The following BTBD9 variants were observed in gnomAD, a reference collection of about 807,000 sequenced individuals.
BTBD9 encodes the protein BTB domain containing 9, also known as BTB/POZ domain-containing protein 9.
In BTBD9, 49 loss-of-function variants were observed where a neutral mutation model predicts 64.3. The ratio of observed to expected loss-of-function variants is 0.76; its 90% confidence interval spans 0.61 to 0.97. BTBD9 has a LOEUF of 0.97. Ranked by LOEUF, BTBD9 falls within the 50% of genes least tolerant of loss-of-function variation. The pLI is 0.00. For missense variants in BTBD9, 598 were observed against 762.1 expected (o/e 0.78, Z 2.53); for synonymous variants, 260 against 274.7 (o/e 0.95, Z 0.53).
chr6:38,501,991 GC>G (rs1325434945), intron 6 of BTBD9, among the ~76,000 whole-genome samples: 5 of 152,092 alleles, frequency 3.3e-5, no homozygotes, highest in African/African-American at 1.2e-4. Context: ...AGAATAAAGG[GC>G]TCCTGGGAAC....
At chr6:38,563,056 A>T (rs1043495533) in intron 6 of BTBD9, among the ~76,000 whole-genome samples, 4 of 152,022 alleles carry the variant, frequency 2.6e-5, no homozygotes, top group Non-Finnish European at 5.9e-5. Flanking sequence ...TTGAAGCCAC[A>T]CATTCTTGAC....
At chr6:38,486,568 C>A (rs1771435570) in intron 6 of BTBD9, among the ~76,000 whole-genome samples, 1 of 152,166 alleles carries the variant, frequency 6.6e-6, no homozygotes, top group African/African-American at 2.4e-5. Context: ...GATGGGGGAA[C>A]AACCAGTCAG....
At chr6:38,220,139 A>G (rs1763150655) in intron 9 of BTBD9, among the ~76,000 whole-genome samples, 2 of 152,186 alleles carry the variant, frequency 1.3e-5, no homozygotes, top group Admixed American at 6.5e-5. Flanking sequence ...GGCTGAGAAC[A>G]TGGCAGTGGG....
At chr6:38,208,212 C>T (rs772239587) in intron 9 of BTBD9, among the ~76,000 whole-genome samples, 24 of 152,238 alleles carry the variant, frequency 1.6e-4, no homozygotes, top group South Asian at 1.0e-3. Context: ...CTCCAAGTTG[C>T]GTGGCACTGA....
At chr6:38,316,024 C>T (rs549876282) in intron 7 of BTBD9, among the ~76,000 whole-genome samples, 3 of 152,210 alleles carry the variant, frequency 2.0e-5, no homozygotes, top group South Asian at 4.2e-4. Flanking sequence ...ATTGTCATAT[C>T]CTCTTACTGA....
chr6:38,379,766 T>C (rs1288926622), intron 6 of BTBD9, among the ~76,000 whole-genome samples: 1 of 152,190 alleles, frequency 6.6e-6, no homozygotes, highest in East Asian at 1.9e-4. Context: ...TGCTCGGATA[T>C]TAATTATATT....
At chr6:38,616,302 C>T (rs891780099) in intron 1 of BTBD9, among the ~76,000 whole-genome samples, 2 of 152,178 alleles carry the variant, frequency 1.3e-5, no homozygotes, top group African/African-American at 4.8e-5. Context: ...TAGTAAGACC[C>T]TGAGCAGAGA....
At chr6:38,528,795 T>C (rs1480891099) in intron 6 of BTBD9, among the ~76,000 whole-genome samples, 2 of 152,080 alleles carry the variant, frequency 1.3e-5, no homozygotes, top group Non-Finnish European at 2.9e-5. Flanking sequence ...CAGTACTCAT[T>C]GTGGGCCTTG....
chr6:38,488,306 T>C (rs1374514552), intron 6 of BTBD9, among the ~76,000 whole-genome samples: 1 of 151,980 alleles, frequency 6.6e-6, no homozygotes, highest in Non-Finnish European at 1.5e-5. Flanking sequence ...AGTCAGATTT[T>C]CAAATGGATC....
intron 10 of BTBD9, among the ~76,000 whole-genome samples, chr6:38,190,466 C>CT (rs141286203): frequency 2.5e-4 from 11 of 44,466 alleles, no homozygotes; most frequent in African/African-American, 1.1e-3. Context: ...GAAACTCTGT[C>CT]TAAAAAAAAA....
chr6:38,362,673 G>A (rs1226694352), intron 6 of BTBD9, among the ~76,000 whole-genome samples: 1 of 152,146 alleles, frequency 6.6e-6, no homozygotes, highest in African/African-American at 2.4e-5. Flanking sequence ...TTTTTATAAG[G>A]TAGCCATATA....
intron 6 of BTBD9, among the ~76,000 whole-genome samples, chr6:38,468,680 C>A (rs1562228891): frequency 6.6e-6 from 1 of 152,136 alleles, no homozygotes. Flanking sequence ...CTAGGATAGT[C>A]CTTTAAAATT....
intron 7 of BTBD9, among the ~76,000 whole-genome samples, chr6:38,320,908 G>T (rs374348931): frequency 1.1e-3 from 167 of 152,198 alleles, no homozygotes; most frequent in African/African-American, 3.9e-3. Flanking sequence ...CAATTCTACC[G>T]ACCTGCAAAA....
At chr6:38,249,307 T>C (rs1460816567) in intron 9 of BTBD9, among the ~76,000 whole-genome samples, 1 of 152,122 alleles carries the variant, frequency 6.6e-6, no homozygotes, top group Non-Finnish European at 1.5e-5. Context: ...CAGGCTGGAG[T>C]GCAGTAGTGT....
At chr6:38,387,095 C>G (rs978290238) in intron 6 of BTBD9, among the ~76,000 whole-genome samples, 1 of 152,182 alleles carries the variant, frequency 6.6e-6, no homozygotes, top group Non-Finnish European at 1.5e-5. Context: ...AACAAGGAAG[C>G]ACTTAAGAAT....
intron 1 of BTBD9, 134 bp from the exon 2 acceptor site, chr6:38,598,255 C>T (rs1777119143): frequency 1.7e-6 from 1 of 605,922 alleles, no homozygotes; most frequent in African/African-American, 1.9e-5. Flanking sequence ...TCAATGGTAT[C>T]CTTATTAACC....
chr6:38,393,939 C>A (rs558273725), intron 6 of BTBD9, among the ~76,000 whole-genome samples: 1 of 151,980 alleles, frequency 6.6e-6, no homozygotes, highest in Non-Finnish European at 1.5e-5. Context: ...TATGTAATAT[C>A]CTGGGGATAC....
chr6:38,581,289 C>G (rs1776275326), intron 4 of BTBD9, among the ~76,000 whole-genome samples: 1 of 152,036 alleles, frequency 6.6e-6, no homozygotes, highest in Non-Finnish European at 1.5e-5. Context: ...GCAAACAGGT[C>G]AGAAATCTGT....
chr6:38,228,973 C>A (rs374516852), intron 9 of BTBD9, among the ~76,000 whole-genome samples: 4 of 151,506 alleles, frequency 2.6e-5, no homozygotes, highest in African/African-American at 4.9e-5. Context: ...CTGAGGTGGG[C>A]GGATCATGAG....
Sources: allele counts gnomAD v4.1 joint callset (sites outside exome capture counted in the v4.1 genomes callset), GRCh38; gene constraint gnomAD v4.1.1; transcripts MANE v1.5; gene names NCBI Gene and HGNC (gene_info 2026-07-23, HGNC 2026-07-21).